EPM2A: variants seen among roughly 807,000 people sequenced by gnomAD.
EPM2A encodes the protein laforin.
EPM2A carries 21 observed loss-of-function variants against 26.5 expected under a neutral mutation model. The observed-to-expected ratio is 0.79, with a 90% CI of 0.56 to 1.14. The LOEUF (loss-of-function observed/expected upper bound fraction) is 1.14, where lower values mean the gene tolerates loss of function less well. Among genes scored for constraint, EPM2A ranks in the 50% most tolerant of loss-of-function variants. EPM2A has a pLI of 0.00. For synonymous variants in EPM2A, 217 were observed against 177.6 expected (o/e 1.22, Z -1.76); for missense variants, 458 against 440.8 (o/e 1.04, Z -0.35).
intron 4 of EPM2A, chr6:145,491,811 C>A: frequency 1.9e-6 from 1 of 531,618 alleles, no homozygotes; most frequent in Non-Finnish European, 3.9e-6. Context: ...TCTCCTGTAT[C>A]AATTATTTTG....
intron 4 of EPM2A, among the ~76,000 whole-genome samples, chr6:145,481,310 A>G (rs1779609353): frequency 6.6e-6 from 1 of 152,106 alleles, no homozygotes; most frequent in African/African-American, 2.4e-5. Flanking sequence ...ATAAAAGTTT[A>G]TTTTTCATTT....
Position 145,528,402 on chromosome 6 carries a change from A to G in EPM2A, c.341-25827T>C, listed in dbSNP as rs139021094. Among the ~76,000 whole-genome samples, 139 of 152,262 alleles carry G rather than the reference A, an allele frequency of 9.1e-4. 2 individuals are homozygous for G. In the South Asian group the frequency reaches 0.016, roughly 17 times the overall value. On this transcript the variant is annotated intron_variant, in intron 2 of 3. Coordinates refer to the EPM2A transcript ENST00000450221. The stretch of plus-strand genomic sequence containing the variant: ...CAAAGAATAGCCTATCTCTCTTGCT[A>G]CAGGATAATGAAGTTGGTGATTTTG...
intron 4 of EPM2A, among the ~76,000 whole-genome samples, chr6:145,476,813 G>T (rs958968660): frequency 1.3e-5 from 2 of 151,810 alleles, no homozygotes; most frequent in African/African-American, 4.8e-5. Flanking sequence ...TACTAACAGG[G>T]AAGTTTACAG....
intron 2 of EPM2A, among the ~76,000 whole-genome samples, chr6:145,673,491 G>T (rs1362585757): frequency 6.6e-6 from 1 of 152,214 alleles, no homozygotes; most frequent in East Asian, 1.9e-4. Context: ...CTCAGGAAGT[G>T]CAAGGGGTAG....
In EPM2A at chr6:145,626,051, T is replaced by C; in HGVS notation, c.*1365A>G. ...TCTTTATCATGGAGATAATGAGACCTTCTTCATTGGATATTGTGAAGATTA... is the reference window on the plus strand; with the variant it reads ...TCTTTATCATGGAGATAATGAGACCCTCTTCATTGGATATTGTGAAGATTA... On this transcript the variant is annotated 3_prime_UTR_variant, in exon 4 of 4. Transcript: ENST00000367519. The C allele has an allele frequency of 8.7e-7, 1 of 1,143,856 alleles. No homozygotes were observed. The highest frequency in any genetic ancestry group is 1.6e-5 in the African/African-American group (1 of 64,140). 70.9% of individuals were successfully genotyped at this position (1,143,856 alleles called of 1,614,324 possible).
At chr6:145,655,607 A>T (rs1236965362) in intron 2 of EPM2A, among the ~76,000 whole-genome samples, 2 of 152,208 alleles carry the variant, frequency 1.3e-5, no homozygotes, top group Non-Finnish European at 2.9e-5. Context: ...GAAAAGGGCC[A>T]AAATTCATGA....
chr6:145,679,314 C>T (rs566137951), intron 2 of EPM2A, among the ~76,000 whole-genome samples: 8 of 151,980 alleles, frequency 5.3e-5, no homozygotes, highest in Admixed American at 4.6e-4. Flanking sequence ...ATGTAAATGA[C>T]GAGTTGATGG....
intron 1 of EPM2A, among the ~76,000 whole-genome samples, chr6:145,690,467 G>A (rs1354943540): frequency 1.4e-5 from 2 of 146,290 alleles, no homozygotes; most frequent in African/African-American, 5.1e-5. Context: ...CCGAGATTGC[G>A]CCACTGCAGT....
At chr6:145,609,005 T>C (rs1374250195) in intron 2 of EPM2A, among the ~76,000 whole-genome samples, 2 of 152,254 alleles carry the variant, frequency 1.3e-5, no homozygotes, top group Non-Finnish European at 2.9e-5. Context: ...TTAATGTATT[T>C]GGCTAAGACA....
chr6:145,433,983 T>G (rs559711606), intron 4 of EPM2A, among the ~76,000 whole-genome samples: 1 of 152,258 alleles, frequency 6.6e-6, no homozygotes, highest in Non-Finnish European at 1.5e-5. Flanking sequence ...TTAGTATTTG[T>G]TATTGCATCT....
At chr6:145,622,030 G>C (rs998610273), downstream of EPM2A, among the ~76,000 whole-genome samples, 6 of 152,130 alleles carry the variant, frequency 3.9e-5, no homozygotes, top group Non-Finnish European at 7.3e-5. Context: ...CCAATGTCAA[G>C]AAGTTCTTCC....
In EPM2A at chr6:145,597,894, C is replaced by T. The variant is rs139058639; in HGVS notation, c.340+37351G>A. Among the ~76,000 whole-genome samples the T allele has an allele frequency of 2.5e-3, 378 of 152,230 alleles. 4 individuals are homozygous for T. The highest frequency in any genetic ancestry group is 8.5e-3 in the African/African-American group (353 of 41,556). On this transcript the variant is annotated intron_variant, in intron 2 of 3. Transcript: ENST00000450221. ...CCAACTCCAGGCATGTTTCTGCAAA[C>T]GACATAATCTCATTCTTTTTTATGA... is the stretch of plus-strand genomic sequence containing the variant.
At chr6:145,598,106 G>A (rs193264113) in intron 2 of EPM2A, among the ~76,000 whole-genome samples, 1 of 152,222 alleles carries the variant, frequency 6.6e-6, no homozygotes, top group East Asian at 1.9e-4. Flanking sequence ...GGATTGCTGG[G>A]TCTCATGGTA....
chr6:145,440,032 T>C (rs1779042288), intron 4 of EPM2A, among the ~76,000 whole-genome samples: 1 of 152,248 alleles, frequency 6.6e-6, no homozygotes, highest in African/African-American at 2.4e-5. Context: ...CTTCTGCATA[T>C]AGTTAGCAAG....
rs1780711979 is a variant in EPM2A at position 145,683,595 on chromosome 6, C to A, written c.476+2527G>T. Among the ~76,000 whole-genome samples, 3 of 152,102 alleles carry A rather than the reference C, an allele frequency of 2.0e-5. No homozygotes were observed. The South Asian group carries it at 6.2e-4, about 31-fold the overall frequency. ...TAAGGTTCACTCTCACCTGCACATA[C>A]AGCTTTGATACTGTAAGTGAAGCTG... is the stretch of plus-strand genomic sequence containing the variant. On this transcript the variant is annotated intron_variant, in intron 2 of 3. Coordinates refer to ENST00000367519, the MANE Select transcript of EPM2A (RefSeq NM_005670.4).
chr6:145,615,091 C>T (rs1353886365), intron 2 of EPM2A, among the ~76,000 whole-genome samples: 1 of 152,130 alleles, frequency 6.6e-6, no homozygotes, highest in Admixed American at 6.5e-5. Flanking sequence ...CAAGCCAAAA[C>T]AGGGTTGAAT....
chr6:145,554,459 G>GATACATAC (rs1554250303), intron 2 of EPM2A, among the ~76,000 whole-genome samples: 1 of 151,494 alleles, frequency 6.6e-6, no homozygotes, highest in Non-Finnish European at 1.5e-5. Flanking sequence ...TAGATAGATA[G>GATACATAC]ATAGATAGAT....
intron 2 of EPM2A, among the ~76,000 whole-genome samples, chr6:145,549,272 C>T (rs1258751210): frequency 6.6e-6 from 1 of 152,122 alleles, no homozygotes; most frequent in Non-Finnish European, 1.5e-5. Context: ...CAATTTTACT[C>T]CAAATGCCAT....
intron 2 of EPM2A, among the ~76,000 whole-genome samples, chr6:145,660,251 C>A (rs1023006661): frequency 2.6e-5 from 4 of 152,100 alleles, no homozygotes; most frequent in African/African-American, 7.2e-5. Flanking sequence ...ATCCCCATAG[C>A]TCTATCCTGA....
Sources: allele counts gnomAD v4.1 joint callset (sites outside exome capture counted in the v4.1 genomes callset), GRCh38; gene constraint gnomAD v4.1.1; transcripts MANE v1.5; gene names NCBI Gene and HGNC (gene_info 2026-07-23, HGNC 2026-07-21).